The following GRID1 variants were observed in gnomAD, a reference collection of about 807,000 sequenced individuals.
GRID1 encodes glutamate receptor ionotropic, delta-1.
In GRID1, 28 loss-of-function variants were observed where a neutral mutation model predicts 98.0. The observed-to-expected ratio is 0.29, with a 90% CI of 0.21 to 0.39. The LOEUF (loss-of-function observed/expected upper bound fraction) is 0.39. GRID1 is among the 10% of genes least tolerant of loss of function. The pLI is 1.00. For missense variants in GRID1, 1,111 were observed against 1,340.5 expected (o/e 0.83, Z 2.67); for synonymous variants, 553 against 538.5 (o/e 1.03, Z -0.37).
At position 86,116,813 on chromosome 10, in the gene GRID1, C is replaced by T. The variant is rs559062380; in HGVS notation, c.726+22006G>A. On this transcript the variant is annotated intron_variant, in intron 4 of 15. Coordinates refer to ENST00000327946, the MANE Select transcript of GRID1 (RefSeq NM_017551.3). ...AACCCAAGCCTTATTCACCTGCCAG[C>T]CCAGAATGTAGCACAAGCCTTCAAT... is the stretch of plus-strand genomic sequence containing the variant. 2.0e-5 allele frequency among the ~76,000 whole-genome samples: 3 copies of T among 152,210 alleles called. No homozygotes were observed. The South Asian group carries it at 6.2e-4, about 32-fold the overall frequency.
intron 8 of GRID1, among the ~76,000 whole-genome samples, chr10:85,763,037 C>T (rs1255043471): frequency 3.9e-5 from 6 of 152,146 alleles, no homozygotes; most frequent in Admixed American, 6.5e-5. Context: ...GAGGGGTGGA[C>T]AGCAAACAGG....
chr10:86,211,198 G>T (rs946448021), intron 2 of GRID1, among the ~76,000 whole-genome samples: 3 of 152,186 alleles, frequency 2.0e-5, no homozygotes, highest in African/African-American at 7.2e-5. Context: ...AGAAGTCATC[G>T]CTACCTAGGA....
At chr10:85,972,013 G>C (rs1842414221) in intron 4 of GRID1, among the ~76,000 whole-genome samples, 1 of 152,096 alleles carries the variant, frequency 6.6e-6, no homozygotes, top group Admixed American at 6.5e-5. Context: ...TGTCTACGTG[G>C]TAACAAATGA....
intron 2 of GRID1, among the ~76,000 whole-genome samples, chr10:86,285,346 T>C (rs952817477): frequency 6.6e-6 from 1 of 152,208 alleles, no homozygotes; most frequent in African/African-American, 2.4e-5. Flanking sequence ...ATGACACTCA[T>C]GGTGAAGCCC....
At chr10:86,244,593 G>A (rs1365113952) in intron 2 of GRID1, among the ~76,000 whole-genome samples, 1 of 152,252 alleles carries the variant, frequency 6.6e-6, no homozygotes, top group Non-Finnish European at 1.5e-5. Context: ...CCTGGCAGCA[G>A]GAGCACAGCC....
intron 2 of GRID1, among the ~76,000 whole-genome samples, chr10:86,341,972 T>G (rs1848317191): frequency 6.6e-6 from 1 of 152,146 alleles, no homozygotes; most frequent in Non-Finnish European, 1.5e-5. Flanking sequence ...TTCTAGAAGT[T>G]CTATCGTGAG....
intron 12 of GRID1, among the ~76,000 whole-genome samples, chr10:85,679,799 C>T (rs548237996): frequency 1.3e-5 from 2 of 152,288 alleles, no homozygotes; most frequent in South Asian, 4.2e-4. Context: ...ACATCAGGAC[C>T]CATGACAAAC....
chr10:85,602,394 G>C lies in GRID1; in HGVS notation c.2909C>G (p.Ser970Ter). 1 of 1,610,484 alleles carries C rather than the reference G, an allele frequency of 6.2e-7. No individual in the cohort carries two copies. The highest frequency in any genetic ancestry group is 1.1e-5 in the South Asian group (1 of 91,008). ...CTGCCGGAACAGCCCCCCGTTGGGT[G>C]ACCTGTGTTTGCACTGCATGGAGGG... ...TMPSMQCKHR[S>*]PNGGLFRQSP... is the part of the protein sequence containing the mutation. Residue 970 changes from serine to a stop codon, truncating the protein, a stop_gained, in exon 16 of 16, where the codon TCA becomes TGA. Coordinates refer to ENST00000327946, the MANE Select transcript of GRID1 (RefSeq NM_017551.3). LOFTEE classifies it high-confidence loss of function.
intron 8 of GRID1, among the ~76,000 whole-genome samples, chr10:85,767,275 G>A (rs73328695): frequency 0.023 from 3,486 of 152,166 alleles, 129 homozygotes; most frequent in African/African-American, 0.08. Flanking sequence ...ACACTTCTAT[G>A]AGCCTATCCT....
chr10:86,336,905 C>G (rs1232399644), intron 2 of GRID1, among the ~76,000 whole-genome samples: 1 of 146,364 alleles, frequency 6.8e-6, no homozygotes, highest in African/African-American at 2.6e-5. Context: ...AGTGCAGTGG[C>G]GCGATCTCGG....
At chr10:85,917,775 T>C (rs1841641609) in intron 4 of GRID1, among the ~76,000 whole-genome samples, 1 of 152,240 alleles carries the variant, frequency 6.6e-6, no homozygotes, top group African/African-American at 2.4e-5. Flanking sequence ...CTGGGTATGC[T>C]ACAAGGCTGT....
intron 4 of GRID1, among the ~76,000 whole-genome samples, chr10:85,926,819 G>A (rs1417510355): frequency 6.6e-6 from 1 of 152,192 alleles, no homozygotes; most frequent in Non-Finnish European, 1.5e-5. Context: ...TCGTGTGAGT[G>A]AGGATTTGAA....
chr10:85,740,470 A>G (rs987662780), intron 8 of GRID1, among the ~76,000 whole-genome samples: 1 of 152,132 alleles, frequency 6.6e-6, no homozygotes, highest in Non-Finnish European at 1.5e-5. Context: ...AGTCAATTCT[A>G]TGAGTTCTTA....
At chr10:85,929,506 C>T (rs1841821260) in intron 4 of GRID1, among the ~76,000 whole-genome samples, 1 of 152,130 alleles carries the variant, frequency 6.6e-6, no homozygotes, top group African/African-American at 2.4e-5. Flanking sequence ...AAACTTTATA[C>T]AAACAATAGG....
At chr10:85,905,495 C>A (rs536003912) in intron 5 of GRID1, among the ~76,000 whole-genome samples, 1 of 152,072 alleles carries the variant, frequency 6.6e-6, no homozygotes, top group East Asian at 1.9e-4. Context: ...AGATTATTTT[C>A]TTATTACTTA....
intron 12 of GRID1, chr10:85,647,624 T>C: frequency 2.0e-6 from 1 of 505,550 alleles, no homozygotes; most frequent in South Asian, 2.9e-5. Context: ...TTCAATAAGA[T>C]GACTGGGCAC....
intron 8 of GRID1, among the ~76,000 whole-genome samples, chr10:85,834,588 GA>G (rs1842896575): frequency 6.6e-6 from 1 of 152,084 alleles, no homozygotes; most frequent in African/African-American, 2.4e-5. Context: ...AATTGAAACA[GA>G]AACTATAACA....
intron 4 of GRID1, among the ~76,000 whole-genome samples, chr10:86,123,457 T>C (rs1844707169): frequency 6.6e-6 from 1 of 152,048 alleles, no homozygotes; most frequent in Admixed American, 6.5e-5. Flanking sequence ...CAGACAAAGG[T>C]GGAACACATG....
intron 15 of GRID1, among the ~76,000 whole-genome samples, chr10:85,604,756 T>C (rs1842637793): frequency 6.6e-6 from 1 of 152,206 alleles, no homozygotes; most frequent in African/African-American, 2.4e-5. Flanking sequence ...GTGTATTCTA[T>C]TTTATTTGCT....
Sources: gnomAD v4.1 joint callset for allele counts (sites outside exome capture counted in the v4.1 genomes callset) on GRCh38, gnomAD v4.1.1 for gene constraint, MANE v1.5 for transcripts, NCBI Gene and HGNC (gene_info 2026-07-23, HGNC 2026-07-21) for gene names.